CTNND2: variants seen among roughly 807,000 people sequenced by gnomAD.
CTNND2 encodes the protein catenin delta 2.
A neutral mutation model predicts 144.4 loss-of-function variants in CTNND2; 22 were observed. The ratio of observed to expected loss-of-function variants is 0.15; its 90% CI spans 0.11 to 0.22. CTNND2 has a LOEUF of 0.22. Ranked by LOEUF, CTNND2 falls within the 10% of genes least tolerant of loss-of-function variation. CTNND2 has a pLI of 1.00. For synonymous variants in CTNND2, 751 were observed against 695.6 expected (o/e 1.08, Z -1.25); for missense variants, 1,353 against 1,618.8 (o/e 0.84, Z 2.82).
At chr5:11,505,140 A>C (rs150151573) in intron 3 of CTNND2, among the ~76,000 whole-genome samples, 1 of 152,064 alleles carries the variant, frequency 6.6e-6, no homozygotes, top group African/African-American at 2.4e-5. Context: ...TTGGAAAGGC[A>C]CTATCAAAAA....
At chr5:11,818,830 C>T (rs1793157013) in intron 1 of CTNND2, among the ~76,000 whole-genome samples, 1 of 152,200 alleles carries the variant, frequency 6.6e-6, no homozygotes, top group African/African-American at 2.4e-5. Flanking sequence ...GGAGCCCTCA[C>T]TGTGAGTAAC....
intron 1 of CTNND2, among the ~76,000 whole-genome samples, chr5:11,885,894 A>C (rs778879452): frequency 6.6e-6 from 1 of 152,176 alleles, no homozygotes; most frequent in Admixed American, 6.5e-5. Context: ...TACAAATATC[A>C]TGGAAATTAA....
rs540022347 is a variant in CTNND2 at position 11,280,646 on chromosome 5, G to A, written c.1629-43823C>T. ...ACTCATAGAGGGGAGTTAGGGCTTCGACATATACATTTTTTGGAAGGGAAA... is the reference window on the plus strand; with the variant it reads ...ACTCATAGAGGGGAGTTAGGGCTTCAACATATACATTTTTTGGAAGGGAAA... On this transcript the variant is annotated intron_variant, in intron 9 of 21. Coordinates refer to ENST00000304623, the MANE Select transcript of CTNND2 (RefSeq NM_001332.4). Among the ~76,000 whole-genome samples the A allele has an allele frequency of 6.2e-4, 94 of 152,240 alleles. 1 individual carries two copies. Among genetic ancestry groups the A allele is most frequent in the Admixed American group, 4.8e-3 (74 of 15,286 alleles).
rs181676669 is a variant in CTNND2 at position 11,879,506 on chromosome 5, C to T, written c.37+24311G>A. On this transcript the variant is annotated intron_variant, in intron 1 of 21. Transcript: ENST00000304623. ...TTAGTTTCCATGGAAATCTCAAAAA[C>T]CAGCAAGATGGCTCTGGAGCATGCT... 5.9e-3 allele frequency among the ~76,000 whole-genome samples: 888 copies of T among 151,548 alleles called. 9 individuals are homozygous for T. The highest frequency in any genetic ancestry group is 6.3e-3 in the Non-Finnish European group (425 of 67,850).
At chr5:11,799,224 G>C (rs921507598) in intron 1 of CTNND2, among the ~76,000 whole-genome samples, 6 of 152,126 alleles carry the variant, frequency 3.9e-5, no homozygotes, top group African/African-American at 1.4e-4. Flanking sequence ...GGTGCTTCAT[G>C]ACCATTTTCT....
At chr5:11,643,057 A>G (rs776187603) in intron 2 of CTNND2, among the ~76,000 whole-genome samples, 11 of 152,206 alleles carry the variant, frequency 7.2e-5, no homozygotes, top group South Asian at 4.1e-4. Context: ...CTCAGTAATT[A>G]TAACAGCAAA....
chr5:11,205,176 A>G (rs904523038), intron 10 of CTNND2, among the ~76,000 whole-genome samples: 1 of 152,092 alleles, frequency 6.6e-6, no homozygotes, highest in African/African-American at 2.4e-5. Flanking sequence ...CTATCGCTAC[A>G]TACTATATAT....
chr5:11,675,343 G>C (rs1324412045), intron 2 of CTNND2, among the ~76,000 whole-genome samples: 1 of 152,056 alleles, frequency 6.6e-6, no homozygotes, highest in Non-Finnish European at 1.5e-5. Context: ...CATGGAGACT[G>C]ATCTCCATGG....
chr5:11,851,589 G>A (rs959592211), intron 1 of CTNND2, among the ~76,000 whole-genome samples: 1 of 152,180 alleles, frequency 6.6e-6, no homozygotes, highest in African/African-American at 2.4e-5. Context: ...CCTACTTTTA[G>A]TCATTAAACC....
intron 11 of CTNND2, among the ~76,000 whole-genome samples, chr5:11,163,459 TAGAC>T (rs1459838882): frequency 4.6e-5 from 7 of 152,352 alleles, no homozygotes; most frequent in African/African-American, 1.7e-4. Flanking sequence ...CCCTCACACT[TAGAC>T]AGTGGGTGAC....
At chr5:11,879,367 A>ATATATATG in intron 1 of CTNND2, among the ~76,000 whole-genome samples, 1 of 139,300 alleles carries the variant, frequency 7.2e-6, no homozygotes, top group East Asian at 2.1e-4. Flanking sequence ...ACATATACAC[A>ATATATATG]CACACACAAA....
intron 15 of CTNND2, among the ~76,000 whole-genome samples, chr5:11,092,259 C>G (rs1045463796): frequency 1.3e-5 from 2 of 152,162 alleles, no homozygotes; most frequent in African/African-American, 4.8e-5. Context: ...AAATTTGAAC[C>G]TTGTCATTCC....
chr5:11,446,433 G>A (rs1764806497), intron 3 of CTNND2, among the ~76,000 whole-genome samples: 1 of 152,224 alleles, frequency 6.6e-6, no homozygotes, highest in Non-Finnish European at 1.5e-5. Context: ...GCAATGGCAT[G>A]TGGGTAGGGC....
chr5:11,545,612 G>T (rs190858946), intron 3 of CTNND2, among the ~76,000 whole-genome samples: 1 of 132,044 alleles, frequency 7.6e-6, no homozygotes, highest in East Asian at 2.4e-4. Flanking sequence ...ACAGTGAGCC[G>T]AGATCACACC....
intron 3 of CTNND2, among the ~76,000 whole-genome samples, chr5:11,541,295 A>T (rs1465637511): frequency 6.6e-6 from 1 of 152,222 alleles, no homozygotes; most frequent in Non-Finnish European, 1.5e-5. Flanking sequence ...CCACTGGTGC[A>T]AAACACTCTT....
Position 11,499,741 on chromosome 5 carries a change from GGTTT to G in CTNND2, c.287+65199_287+65202del, listed in dbSNP as rs61757502. Among the ~76,000 whole-genome samples, 1,062 of 151,678 alleles carry G rather than the reference GGTTT, an allele frequency of 7.0e-3. 11 individuals carry two copies. Among genetic ancestry groups the G allele is most frequent in the African/African-American group, 0.024 (999 of 41,390 alleles). ...TTGTCTCAAAGTTTTTTTTACAGTT[GGTTT>G]GTTTAAGTCAGAATCCAAAAAATCT... On this transcript the variant is annotated intron_variant, in intron 3 of 21. Coordinates refer to ENST00000304623, the MANE Select transcript of CTNND2 (RefSeq NM_001332.4).
chr5:11,104,834 T>C (rs934394573), intron 14 of CTNND2, among the ~76,000 whole-genome samples: 5 of 152,154 alleles, frequency 3.3e-5, no homozygotes, highest in Non-Finnish European at 2.9e-5. Flanking sequence ...GACTTTGCAT[T>C]TGAGAGATTA....
intron 7 of CTNND2, among the ~76,000 whole-genome samples, chr5:11,381,416 A>G (rs1046436145): frequency 1.3e-5 from 2 of 151,870 alleles, no homozygotes; most frequent in African/African-American, 2.4e-5. Flanking sequence ...TTGGCCTTCC[A>G]CTCCCACCTT....
intron 15 of CTNND2, among the ~76,000 whole-genome samples, chr5:11,087,882 G>A (rs1018483199): frequency 3.3e-5 from 5 of 152,084 alleles, no homozygotes; most frequent in African/African-American, 1.2e-4. Context: ...TTTCCTGGGG[G>A]GAAAACATTT....
Sources: allele counts gnomAD v4.1 joint callset (sites outside exome capture counted in the v4.1 genomes callset), GRCh38; gene constraint gnomAD v4.1.1; transcripts MANE v1.5; gene names NCBI Gene and HGNC (gene_info 2026-07-23, HGNC 2026-07-21).